The following AGAP1 variants were observed in gnomAD, a reference collection of about 807,000 sequenced individuals.
AGAP1 encodes ArfGAP with GTPase domain, ankyrin repeat and PH domain 1.
Under a neutral mutation model 105.3 loss-of-function variants are expected in AGAP1, and 29 were observed. The ratio of observed to expected loss-of-function variants is 0.28; its 90% confidence interval spans 0.21 to 0.38. The LOEUF (loss-of-function observed/expected upper bound fraction) is 0.38. AGAP1 is among the 10% of genes least tolerant of loss of function. The pLI is 1.00. For missense variants in AGAP1, 998 were observed against 1,165.1 expected (o/e 0.86, Z 2.09); for synonymous variants, 509 against 485.9 (o/e 1.05, Z -0.63).
At position 235,958,416 on chromosome 2, in the gene AGAP1, C is replaced by A. The variant is rs1334996115; in HGVS notation, c.1484-10046C>A. ...TCAAGTGCACCTACGCCCAGCACCT[C>A]CCCCAGCGGACACATTTAGAGACCC... On this transcript the variant is annotated intron_variant, in intron 12 of 17. Coordinates refer to ENST00000304032, the MANE Select transcript of AGAP1 (RefSeq NM_001037131.3). The surrounding 1 kb of genome is among the most constrained non-coding windows in gnomAD (Gnocchi z 4.1). 6.6e-6 allele frequency among the ~76,000 whole-genome samples: 1 copy of A among 152,090 alleles called. No homozygotes were observed. Among genetic ancestry groups the A allele is most frequent in the Admixed American group, 6.5e-5 (1 of 15,272 alleles).
At position 235,882,057 on chromosome 2, in the gene AGAP1, GTTT is replaced by G; in HGVS notation, c.1051-1286_1051-1284del. On this transcript the variant is annotated intron_variant, in intron 9 of 17. Transcript: ENST00000304032. This position sits in a 1 kb window ranked among gnomAD's most constrained non-coding sequence, Gnocchi z 4.6. ...TTTCTGGGGTTTTTTTGTGGTTTTTGTTTTGTTTTGTTTTGGTGGGTTTTTTTG... is the reference window on the plus strand; with the variant it reads ...TTTCTGGGGTTTTTTTGTGGTTTTTGTGTTTTGTTTTGGTGGGTTTTTTTG... Among the ~76,000 whole-genome samples the G allele has an allele frequency of 6.6e-6, 1 of 151,946 alleles. No individual in the cohort carries two copies. Among genetic ancestry groups the G allele is most frequent in the Non-Finnish European group, 1.5e-5 (1 of 67,956 alleles).
chr2:235,929,620 C>T (rs185651204), intron 11 of AGAP1, among the ~76,000 whole-genome samples: 109 of 152,256 alleles, frequency 7.2e-4, no homozygotes, highest in African/African-American at 2.5e-3. Flanking sequence ...CGTGGCTTCC[C>T]AGTGCTGCAC....
At chr2:235,583,553 A>ATTT (rs763297542) in intron 1 of AGAP1, among the ~76,000 whole-genome samples, 3 of 128,450 alleles carry the variant, frequency 2.3e-5, no homozygotes, top group African/African-American at 3.1e-5. Flanking sequence ...TACCTGGCTA[A>ATTT]TTTTTTTTTT....
At chr2:235,597,678 G>A (rs1355443141) in intron 1 of AGAP1, among the ~76,000 whole-genome samples, 7 of 152,166 alleles carry the variant, frequency 4.6e-5, no homozygotes, top group Admixed American at 3.9e-4. Context: ...ATGGATTCCC[G>A]CTGGGGCCCT....
At chr2:236,059,815 A>C (rs2125750550) in intron 16 of AGAP1, among the ~76,000 whole-genome samples, 1 of 152,250 alleles carries the variant, frequency 6.6e-6, no homozygotes, top group South Asian at 2.1e-4. Context: ...GCTATATATA[A>C]AAATTAACTC....
At chr2:236,116,202 C>T (rs2059766116) in intron 16 of AGAP1, among the ~76,000 whole-genome samples, 1 of 151,984 alleles carries the variant, frequency 6.6e-6, no homozygotes, top group Admixed American at 6.6e-5. Flanking sequence ...ATCCTCCACC[C>T]TCCACAAGGT....
intron 1 of AGAP1, among the ~76,000 whole-genome samples, chr2:235,673,937 C>G (rs1948580224): frequency 6.6e-6 from 1 of 152,182 alleles, no homozygotes; most frequent in Non-Finnish European, 1.5e-5. Flanking sequence ...GAGTTAATTG[C>G]TTAGGCAAGG....
rs2060076050 is a variant in AGAP1 at position 236,131,065 on chromosome 2, T to G, written c.*6943T>G. 6.6e-6 allele frequency: 1 copy of G among 152,254 alleles called. No individual in the cohort carries two copies. Among genetic ancestry groups the G allele is most frequent in the Non-Finnish European group, 1.5e-5 (1 of 68,074 alleles). The allele number at this position is 152,254 out of a possible 1,614,324, so 9.4% of individuals were successfully genotyped here. On this transcript the variant is annotated 3_prime_UTR_variant, in exon 18 of 18. Coordinates refer to ENST00000304032, the MANE Select transcript of AGAP1 (RefSeq NM_001037131.3). The surrounding 1 kb of genome is among the most constrained non-coding windows in gnomAD (Gnocchi z 5.9). ...AGAACGGGGGGAGAGGGACCAGCAC[T>G]GTAACGTTAGAAATAATTCCTTCTT...
At chr2:235,743,939 G>A (rs1035822584) in intron 4 of AGAP1, among the ~76,000 whole-genome samples, 11 of 152,224 alleles carry the variant, frequency 7.2e-5, no homozygotes, top group African/African-American at 2.2e-4. Context: ...CAAGATGGCT[G>A]TTGGTACTAA....
rs1945696275 is a variant in AGAP1 at position 235,600,566 on chromosome 2, A to G, written c.163+105717A>G. 6.6e-6 allele frequency among the ~76,000 whole-genome samples: 1 copy of G among 152,184 alleles called. No homozygotes were observed. Among genetic ancestry groups the G allele is most frequent in the Non-Finnish European group, 1.5e-5 (1 of 68,032 alleles). On this transcript the variant is annotated intron_variant, in intron 1 of 17. Coordinates refer to ENST00000304032, the MANE Select transcript of AGAP1 (RefSeq NM_001037131.3). The surrounding 1 kb of genome is among the most constrained non-coding windows in gnomAD (Gnocchi z 4.8). ...ACTCACAGGATCACAAGGTCCCACA[A>G]TAGGCTGGCTGCAAGCTGAGGAGCA...
At position 235,981,704 on chromosome 2, in the gene AGAP1, G is replaced by T. The variant is rs2055104659; in HGVS notation, c.1645+13081G>T. ...CATAACCCTCACAAGAACCTGGGAG[G>T]TGGGTGCCGTTATCCGCATTTTTAT... On this transcript the variant is annotated intron_variant, in intron 13 of 17. Coordinates refer to ENST00000304032, the MANE Select transcript of AGAP1 (RefSeq NM_001037131.3). This position sits in a 1 kb window ranked among gnomAD's most constrained non-coding sequence, Gnocchi z 5.5. Among the ~76,000 whole-genome samples the T allele has an allele frequency of 6.6e-6, 1 of 152,162 alleles. No homozygotes were observed. The highest frequency in any genetic ancestry group is 1.9e-4 in the East Asian group (1 of 5,194).
chr2:235,711,071 C>A (rs928323539), intron 2 of AGAP1, among the ~76,000 whole-genome samples: 1 of 152,210 alleles, frequency 6.6e-6, no homozygotes, highest in African/African-American at 2.4e-5. Flanking sequence ...GGAGCTGGTG[C>A]TTCCACCACC....
intron 8 of AGAP1, among the ~76,000 whole-genome samples, chr2:235,802,515 A>C (rs1190562066): frequency 6.6e-6 from 1 of 152,258 alleles, no homozygotes; most frequent in Non-Finnish European, 1.5e-5. Context: ...GGAGTCATAA[A>C]AGAAGCTACC....
chr2:235,909,221 C>T (rs78411174), intron 11 of AGAP1, among the ~76,000 whole-genome samples: 12,653 of 152,146 alleles, frequency 0.083, 1,752 homozygotes, highest in African/African-American at 0.29. Flanking sequence ...CGTGAATTAA[C>T]GTTAAAGTGT....
rs78061797 is a variant in AGAP1, at chr2:235,919,498, T to G, written c.1324+10592T>G. The stretch of plus-strand genomic sequence containing the variant: ...AGACTTGTGAGCCCGGGGTACTCCT[T>G]GGTGCTTTGTCTTCCCTGTGTCATT... On this transcript the variant is annotated intron_variant, in intron 11 of 17. Transcript: ENST00000304032. The surrounding 1 kb of genome is among the most constrained non-coding windows in gnomAD (Gnocchi z 4.1). 7.0e-3 allele frequency among the ~76,000 whole-genome samples: 1,071 copies of G among 152,258 alleles called. 10 individuals are homozygous for G. Among genetic ancestry groups the G allele is most frequent in the African/African-American group, 0.025 (1,038 of 41,550 alleles).
chr2:235,935,983 TC>T (rs2052969121), intron 12 of AGAP1, among the ~76,000 whole-genome samples: 2 of 152,096 alleles, frequency 1.3e-5, no homozygotes, highest in Admixed American at 1.3e-4. Flanking sequence ...GGCCCGGCCC[TC>T]CCCGCTGGCT....
intron 9 of AGAP1, among the ~76,000 whole-genome samples, chr2:235,821,382 A>ATTTTTTT (rs200107062): frequency 2.8e-4 from 38 of 133,804 alleles, no homozygotes; most frequent in African/African-American, 1.0e-3. Flanking sequence ...CAGAACTTCA[A>ATTTTTTT]TTTTTTTTTT....
intron 12 of AGAP1, among the ~76,000 whole-genome samples, chr2:235,948,508 T>C (rs2053596436): frequency 6.6e-6 from 1 of 152,228 alleles, no homozygotes; most frequent in Non-Finnish European, 1.5e-5. Flanking sequence ...TAAATAAAGT[T>C]ATTTTAAAAT....
Position 235,578,433 on chromosome 2 carries a change from C to T in AGAP1, c.163+83584C>T, listed in dbSNP as rs79043135. Among the ~76,000 whole-genome samples, 3,689 of 152,298 alleles carry T rather than the reference C, an allele frequency of 0.024. 68 individuals are homozygous for T. Among genetic ancestry groups the T allele is most frequent in the Non-Finnish European group, 0.03 (2,037 of 68,028 alleles). On this transcript the variant is annotated intron_variant, in intron 1 of 17. Transcript: ENST00000304032. The surrounding 1 kb of genome is among the most constrained non-coding windows in gnomAD (Gnocchi z 4.9). ...GCCAGTGTGAATGTACTTAGTGCCA[C>T]TGAGCTGCACACTTAAAAGTGGGTA...
Sources: allele counts gnomAD v4.1 joint callset (sites outside exome capture counted in the v4.1 genomes callset), GRCh38; gene constraint gnomAD v4.1.1; non-coding constraint Gnocchi (gnomAD v3.1); transcripts MANE v1.5; gene names NCBI Gene and HGNC (gene_info 2026-07-23, HGNC 2026-07-21).